The following MAGI2 variants were observed in gnomAD, a reference collection of about 807,000 sequenced individuals.
MAGI2 encodes membrane-associated guanylate kinase, WW and PDZ domain-containing protein 2.
In MAGI2, 35 loss-of-function variants were observed where a neutral mutation model predicts 133.3. The observed-to-expected ratio is 0.26, with a 90% CI of 0.20 to 0.35. The LOEUF is 0.35. Ranked by LOEUF, MAGI2 falls within the 10% of genes least tolerant of loss-of-function variation. MAGI2 has a pLI of 1.00. For missense variants in MAGI2, 1,636 were observed against 1,863.4 expected, an observed-to-expected ratio of 0.88 and a Z score of 2.25; for synonymous variants, 729 against 710.6, an observed-to-expected ratio of 1.03 and a Z score of -0.41.
chr7:79,269,503 A>G (rs1434171853), intron 1 of MAGI2, among the ~76,000 whole-genome samples: 1 of 152,164 alleles, frequency 6.6e-6, no homozygotes, highest in Non-Finnish European at 1.5e-5. Flanking sequence ...AAAATAAATA[A>G]TAAATGAAAA....
Position 78,501,785 on chromosome 7 carries a change from A to G in MAGI2, c.757T>C (p.Ser253Pro). The change falls in exon 5 of 22, where the codon TCC (serine) becomes CCC (proline). Residue 253 changes from serine to proline, a missense_variant and splice_region_variant. By Grantham distance (74) the Ser-to-Pro change is moderately conservative. Coordinates refer to ENST00000354212, the MANE Select transcript of MAGI2 (RefSeq NM_012301.4). ...NGNGVVVTPE[S>P]SEHEDKSAGA... is the part of the protein sequence containing the mutation. The stretch of plus-strand genomic sequence containing the variant: ...GCACTTTTGTCTTCATGTTCACTGG[A>G]TTCTATAAGAGAACAAGAGCACGTG... 6.2e-7 allele frequency: 1 copy of G among 1,612,324 alleles called. No homozygotes were observed. Among genetic ancestry groups the G allele is most frequent in the Non-Finnish European group, 8.5e-7 (1 of 1,179,182 alleles).
chr7:78,237,496 C>G (rs1790674759), intron 10 of MAGI2, among the ~76,000 whole-genome samples: 1 of 152,098 alleles, frequency 6.6e-6, no homozygotes, highest in Non-Finnish European at 1.5e-5. Flanking sequence ...CTCCAAGAAT[C>G]TCCTCGATAC....
At chr7:79,393,915 C>T (rs555815670) in intron 1 of MAGI2, among the ~76,000 whole-genome samples, 1 of 152,232 alleles carries the variant, frequency 6.6e-6, no homozygotes, top group African/African-American at 2.4e-5. Flanking sequence ...AAAACAGAGC[C>T]AGGTCTGGGT....
Position 78,745,486 on chromosome 7 carries a change from T to C in MAGI2, c.419-118247A>G, listed in dbSNP as rs148469825. Among the ~76,000 whole-genome samples, 7 of 152,166 alleles carry C rather than the reference T, an allele frequency of 4.6e-5. No individual in the cohort carries two copies. The East Asian group carries it at 1.4e-3, about 29-fold the overall frequency. On this transcript the variant is annotated intron_variant, in intron 2 of 21. Transcript: ENST00000354212. ...TTGTTCTCTCCACATGTCAAGGTGG[T>C]CAAGGTGTGTGCTTTCTAATAATTG...
intron 2 of MAGI2, among the ~76,000 whole-genome samples, chr7:78,788,936 A>T (rs1827055915): frequency 6.6e-6 from 1 of 152,078 alleles, no homozygotes; most frequent in African/African-American, 2.4e-5. Flanking sequence ...TACCCCTACG[A>T]GAGGCCCGCT....
chr7:78,128,125 C>T (rs1000553708), intron 18 of MAGI2, among the ~76,000 whole-genome samples: 4 of 152,042 alleles, frequency 2.6e-5, no homozygotes, highest in Admixed American at 6.6e-5. Context: ...GAAGAGAAGG[C>T]AAAAATGTTT....
intron 2 of MAGI2, among the ~76,000 whole-genome samples, chr7:78,974,024 T>C (rs958570025): frequency 3.3e-5 from 5 of 151,830 alleles, no homozygotes; most frequent in African/African-American, 9.7e-5. Flanking sequence ...GGGATACATA[T>C]TGCTTTTCTC....
rs548406035 is a variant in MAGI2, at chr7:78,936,061, C to G, written c.418+71029G>C. ...TCCTCAGTTGAATCAAAGTCTATGC[C>G]TATTAAATATCAAATATGTAAATTA... On this transcript the variant is annotated intron_variant, in intron 2 of 21. Coordinates refer to ENST00000354212, the MANE Select transcript of MAGI2 (RefSeq NM_012301.4). 5.9e-4 allele frequency among the ~76,000 whole-genome samples: 90 copies of G among 151,986 alleles called. No homozygotes were observed. In the Middle Eastern group the frequency reaches 0.031, roughly 52 times the overall value.
At chr7:78,458,041 T>C (rs958732446) in intron 6 of MAGI2, among the ~76,000 whole-genome samples, 7 of 151,944 alleles carry the variant, frequency 4.6e-5, no homozygotes, top group African/African-American at 1.7e-4. Context: ...CTAATGCTTG[T>C]AATCCCAGCA....
At chr7:79,021,406 C>T (rs769621166) in intron 1 of MAGI2, among the ~76,000 whole-genome samples, 8 of 152,196 alleles carry the variant, frequency 5.3e-5, no homozygotes, top group Admixed American at 2.0e-4. Flanking sequence ...GGGGCCTGTA[C>T]CCTGAAAAGT....
At chr7:78,736,547 T>A (rs1029493642) in intron 2 of MAGI2, among the ~76,000 whole-genome samples, 1 of 152,176 alleles carries the variant, frequency 6.6e-6, no homozygotes, top group Non-Finnish European at 1.5e-5. Flanking sequence ...GTTCTTAACA[T>A]GTAGTGTGTA....
intron 20 of MAGI2, among the ~76,000 whole-genome samples, chr7:78,118,828 G>A (rs1820137597): frequency 1.3e-5 from 2 of 152,226 alleles, no homozygotes; most frequent in Admixed American, 1.3e-4. Flanking sequence ...TGTATCATAT[G>A]ATCCAGCAAT....
intron 2 of MAGI2, among the ~76,000 whole-genome samples, chr7:79,001,480 A>G (rs1806851175): frequency 6.6e-6 from 1 of 152,192 alleles, no homozygotes; most frequent in Non-Finnish European, 1.5e-5. Flanking sequence ...TAAAATTTAT[A>G]TCTGTTCTTA....
chr7:78,254,133 G>T (rs1792719882), intron 10 of MAGI2: 1 of 152,158 alleles, frequency 6.6e-6, no homozygotes, highest in Non-Finnish European at 1.5e-5. Flanking sequence ...GGAGTAAATG[G>T]GGGGCAAAGG....
chr7:78,087,455 A>G (rs540341662), intron 20 of MAGI2, among the ~76,000 whole-genome samples: 50 of 152,194 alleles, frequency 3.3e-4, no homozygotes, highest in African/African-American at 1.2e-3. Flanking sequence ...CATAGTAGTT[A>G]CAATTAACAA....
chr7:78,602,173 T>A (rs1459422895), intron 3 of MAGI2, among the ~76,000 whole-genome samples: 1 of 148,086 alleles, frequency 6.8e-6, no homozygotes, highest in Non-Finnish European at 1.5e-5. Context: ...TGAGACGGAG[T>A]TTCATTCTTG....
chr7:79,207,804 A>T (rs1001602589), intron 1 of MAGI2, among the ~76,000 whole-genome samples: 2 of 152,046 alleles, frequency 1.3e-5, no homozygotes, highest in Non-Finnish European at 2.9e-5. Flanking sequence ...AAGCCTTAGC[A>T]ACCAAAACAT....
At chr7:78,399,942 A>T (rs978052462) in intron 6 of MAGI2, among the ~76,000 whole-genome samples, 1 of 152,090 alleles carries the variant, frequency 6.6e-6, no homozygotes, top group Non-Finnish European at 1.5e-5. Context: ...ACAGCAAAAA[A>T]AAATAACAAA....
chr7:78,853,621 G>T (rs1398616059), intron 2 of MAGI2, among the ~76,000 whole-genome samples: 1 of 151,962 alleles, frequency 6.6e-6, no homozygotes, highest in East Asian at 1.9e-4. Flanking sequence ...CTCCCAAAGT[G>T]CTGTGGTTAT....
Sources: allele counts gnomAD v4.1 joint callset (sites outside exome capture counted in the v4.1 genomes callset), GRCh38; gene constraint gnomAD v4.1.1; transcripts MANE v1.5; gene names NCBI Gene and HGNC (gene_info 2026-07-23, HGNC 2026-07-21).